Variants in CD163L1 observed in about 807,000 individuals in gnomAD.
The protein encoded by CD163L1 is CD163 molecule like 1.
A neutral mutation model predicts 165.4 loss-of-function variants in CD163L1; 124 were observed. That is an observed-to-expected ratio of 0.75 (90% confidence interval 0.65 to 0.87). CD163L1 has a LOEUF of 0.87. CD163L1 is among the 40% of genes least tolerant of loss of function. CD163L1 has a pLI of 0.00. For synonymous variants in CD163L1, 585 were observed against 662.2 expected (o/e 0.88, Z 1.79); for missense variants, 1,525 against 1,799.9 (o/e 0.85, Z 2.76).
Position 7,398,146 on chromosome 12 carries a change from A to G in CD163L1, c.1729+118T>C. Reference sequence around the variant, plus strand: ...GTGAACTGAAGTCTAATTTAAAGACAAGAGTCATGGCCCCTCAATCAATTC... The same window carrying G: ...GTGAACTGAAGTCTAATTTAAAGACGAGAGTCATGGCCCCTCAATCAATTC... On this transcript the variant is annotated intron_variant, in intron 7 of 19. Transcript: ENST00000313599. This position sits in a 1 kb window ranked among gnomAD's most constrained non-coding sequence, Gnocchi z 4.5. 1.2e-6 allele frequency: 1 copy of G among 836,912 alleles called. No individual in the cohort carries two copies. Among genetic ancestry groups the G allele is most frequent in the East Asian group, 2.6e-5 (1 of 38,398 alleles). 51.8% of individuals were successfully genotyped at this position (836,912 alleles called of 1,614,324 possible).
intron 8 of CD163L1, among the ~76,000 whole-genome samples, chr12:7,379,973 C>CA (rs1333870249): frequency 1.3e-5 from 2 of 149,832 alleles, no homozygotes; most frequent in African/African-American, 2.4e-5. Flanking sequence ...TGGCCATAAC[C>CA]AAAAAATCAA....
At chr12:7,355,675 T>C (rs928877818) in intron 19 of CD163L1, among the ~76,000 whole-genome samples, 9 of 152,234 alleles carry the variant, frequency 5.9e-5, no homozygotes, top group African/African-American at 1.7e-4. Flanking sequence ...TATTTGAAGA[T>C]TGGACCTTCA....
chr12:7,385,482 A>G (rs1947497185), intron 8 of CD163L1, among the ~76,000 whole-genome samples: 1 of 152,034 alleles, frequency 6.6e-6, no homozygotes, highest in Non-Finnish European at 1.5e-5. Context: ...GAAACATCAG[A>G]TAGAAACTAG....
chr12:7,396,860 G>A (rs919639588), intron 7 of CD163L1, among the ~76,000 whole-genome samples: 2 of 151,940 alleles, frequency 1.3e-5, no homozygotes, highest in Admixed American at 6.6e-5. Flanking sequence ...CACACACAGA[G>A]AGAGAGAGAG....
intron 18 of CD163L1, among the ~76,000 whole-genome samples, chr12:7,360,818 T>C (rs753437247): frequency 6.6e-5 from 10 of 152,184 alleles, no homozygotes; most frequent in Non-Finnish European, 1.2e-4. Flanking sequence ...TCCATGAGAA[T>C]TGATTAGATA....
chr12:7,388,058 G>A (rs1393218410), intron 8 of CD163L1, among the ~76,000 whole-genome samples: 1 of 152,124 alleles, frequency 6.6e-6, no homozygotes, highest in Non-Finnish European at 1.5e-5. Context: ...ATGATGCTGG[G>A]AAGACTGGAT....
intron 2 of CD163L1, among the ~76,000 whole-genome samples, chr12:7,434,656 G>T (rs779555972): frequency 5.3e-5 from 8 of 151,180 alleles, no homozygotes; most frequent in Middle Eastern, 3.4e-3. Context: ...TAAGGAGGAA[G>T]AAAAAGATGA....
downstream of CD163L1, among the ~76,000 whole-genome samples, chr12:7,354,233 C>T (rs988920137): frequency 6.6e-6 from 1 of 152,016 alleles, no homozygotes; most frequent in African/African-American, 2.4e-5. Flanking sequence ...TCTCTTGTAA[C>T]AGCTCCATGA....
Position 7,421,758 on chromosome 12 carries a change from TATATA to T in CD163L1, c.766+10653_766+10657del, listed in dbSNP as rs1471645659. On this transcript the variant is annotated intron_variant, in intron 4 of 19. Coordinates refer to ENST00000313599, the MANE Select transcript of CD163L1 (RefSeq NM_174941.6). The stretch of plus-strand genomic sequence containing the variant: ...ATATGTGTGTGTGTATATATATATA[TATATA>T]TATATATTTTTTCTTCTAAGTGAAG... Among the ~76,000 whole-genome samples, 119 of 132,336 alleles carry T rather than the reference TATATA, an allele frequency of 9.0e-4. No homozygotes were observed. The East Asian group carries it at 0.012, about 13-fold the overall frequency. 86.8% of individuals were successfully genotyped at this position (132,336 alleles called of 152,430 possible).
downstream of CD163L1, among the ~76,000 whole-genome samples, chr12:7,353,717 C>A (rs2136367078): frequency 6.6e-6 from 1 of 152,072 alleles, no homozygotes; most frequent in South Asian, 2.1e-4. Flanking sequence ...GTGCTTATTT[C>A]AGAATGATAG....
chr12:7,322,731 T>A, the CD163L1 span, among the ~76,000 whole-genome samples: 1 of 152,100 alleles, frequency 6.6e-6, no homozygotes, highest in African/African-American at 2.4e-5. Context: ...GAATGATGAT[T>A]ATTCCATCAT....
At position 7,374,370 on chromosome 12, in the gene CD163L1, T is replaced by C. The variant is rs1947208321; in HGVS notation, c.3409+72A>G. On this transcript the variant is annotated intron_variant, in intron 13 of 19. Coordinates refer to ENST00000313599, the MANE Select transcript of CD163L1 (RefSeq NM_174941.6). The surrounding 1 kb of genome is among the most constrained non-coding windows in gnomAD (Gnocchi z 5.4). ...AGGCCATACACTTTTCACTACACTTTACAATTGTGTTGTGTGTGTGCAAGT... is the reference window on the plus strand; with the variant it reads ...AGGCCATACACTTTTCACTACACTTCACAATTGTGTTGTGTGTGTGCAAGT... The C allele has an allele frequency of 6.8e-7, 1 of 1,463,806 alleles. No individual in the cohort carries two copies. The highest frequency in any genetic ancestry group is 2.1e-5 in the Admixed American group (1 of 47,708). The allele number at this position is 1,463,806 out of a possible 1,614,324, so 90.7% of individuals were successfully genotyped here. A position where few individuals can be genotyped will look rare whatever the true frequency, so the allele number is the denominator to read the frequency against.
chr12:7,385,170 T>C (rs1318944569), intron 8 of CD163L1, among the ~76,000 whole-genome samples: 2 of 151,162 alleles, frequency 1.3e-5, no homozygotes, highest in Non-Finnish European at 3.0e-5. Flanking sequence ...ATATTCCATG[T>C]AAATGAAAAC....
chr12:7,382,782 C>T (rs1471891938), intron 8 of CD163L1, among the ~76,000 whole-genome samples: 3 of 152,210 alleles, frequency 2.0e-5, no homozygotes, highest in Non-Finnish European at 2.9e-5. Flanking sequence ...AGATTGCATC[C>T]TGTCCTGGGC....
chr12:7,415,870 G>A (rs868220495), intron 4 of CD163L1, among the ~76,000 whole-genome samples: 4 of 152,166 alleles, frequency 2.6e-5, no homozygotes, highest in Non-Finnish European at 5.9e-5. Flanking sequence ...ATTGTGAACA[G>A]TGCCACAATA....
At chr12:7,410,227 A>G (rs990442077) in intron 4 of CD163L1, among the ~76,000 whole-genome samples, 6 of 152,210 alleles carry the variant, frequency 3.9e-5, no homozygotes, top group Admixed American at 3.9e-4. Flanking sequence ...GGAACAAAGT[A>G]GGGAATAAGA....
intron 7 of CD163L1, 68 bp from the exon 8 acceptor site, chr12:7,396,483 G>A: frequency 7.0e-7 from 1 of 1,425,508 alleles, no homozygotes; most frequent in Non-Finnish European, 9.4e-7. Flanking sequence ...CAACTTGGCT[G>A]GACTATGATA....
the CD163L1 span, among the ~76,000 whole-genome samples, chr12:7,331,253 T>C: frequency 3.3e-5 from 5 of 152,198 alleles, no homozygotes; most frequent in Admixed American, 6.5e-5. Context: ...CGCCTGCCAT[T>C]GCCCAGGCTT....
At position 7,374,235 on chromosome 12, in the gene CD163L1, T is replaced by C. The variant is rs1397784341; in HGVS notation, c.3409+207A>G. On this transcript the variant is annotated intron_variant, in intron 13 of 19. Coordinates refer to ENST00000313599, the MANE Select transcript of CD163L1 (RefSeq NM_174941.6). The surrounding 1 kb of genome is among the most constrained non-coding windows in gnomAD (Gnocchi z 5.4). ...CTCTGACAGTAAGACCAATCTTTTA[T>C]TCTTCTCAGTTATGAATGATACCCA... Among the ~76,000 whole-genome samples, 2 of 152,248 alleles carry C rather than the reference T, an allele frequency of 1.3e-5. No individual in the cohort carries two copies. The highest frequency in any genetic ancestry group is 1.3e-4 in the Admixed American group (2 of 15,286).
Sources: allele counts gnomAD v4.1 joint callset (sites outside exome capture counted in the v4.1 genomes callset), GRCh38; gene constraint gnomAD v4.1.1; non-coding constraint Gnocchi (gnomAD v3.1); transcripts MANE v1.5; gene names NCBI Gene and HGNC (gene_info 2026-07-23, HGNC 2026-07-21).